KLHL29: variants seen among roughly 807,000 people sequenced by gnomAD.
KLHL29 encodes the protein kelch like family member 29.
A neutral mutation model predicts 80.4 loss-of-function variants in KLHL29; 21 were observed. The ratio of observed to expected loss-of-function variants is 0.26; its 90% CI spans 0.19 to 0.38. The LOEUF (loss-of-function observed/expected upper bound fraction) is 0.38, where lower values mean the gene tolerates loss of function less well. Among genes scored for constraint, KLHL29 ranks in the 10% least tolerant of loss-of-function variants. KLHL29 has a pLI of 1.00. For synonymous variants in KLHL29, 511 were observed against 526.8 expected (o/e 0.97, Z 0.41); for missense variants, 867 against 1,223.9 (o/e 0.71, Z 4.35).
intron 1 of KLHL29, among the ~76,000 whole-genome samples, chr2:23,418,945 A>C (rs555923640): frequency 1.6e-4 from 25 of 152,140 alleles, no homozygotes; most frequent in Non-Finnish European, 3.2e-4. Context: ...GCCAGATGGC[A>C]CTTTCCATGG....
chr2:23,567,266 G>A (rs967704950), intron 3 of KLHL29, among the ~76,000 whole-genome samples: 28 of 152,238 alleles, frequency 1.8e-4, no homozygotes, highest in Non-Finnish European at 8.8e-5. Flanking sequence ...AATGGACTCT[G>A]CAGAATCCTC....
intron 5 of KLHL29, among the ~76,000 whole-genome samples, chr2:23,670,477 G>T (rs1218839880): frequency 6.6e-6 from 1 of 152,064 alleles, no homozygotes; most frequent in East Asian, 1.9e-4. Flanking sequence ...CCCTTGGCAG[G>T]ATGAGGGGCT....
intron 2 of KLHL29, among the ~76,000 whole-genome samples, chr2:23,558,693 C>G (rs901087655): frequency 4.6e-5 from 7 of 152,230 alleles, no homozygotes; most frequent in Non-Finnish European, 1.0e-4. Context: ...CGTGAGCCCC[C>G]ACGCCCAGGC....
chr2:23,412,962 C>T (rs1558328841), intron 1 of KLHL29, among the ~76,000 whole-genome samples: 1 of 152,144 alleles, frequency 6.6e-6, no homozygotes, highest in Non-Finnish European at 1.5e-5. Flanking sequence ...AATTCCTATG[C>T]TCTTACTTAA....
At chr2:23,455,006 G>GA (rs1006561476) in intron 1 of KLHL29, among the ~76,000 whole-genome samples, 9 of 137,950 alleles carry the variant, frequency 6.5e-5, no homozygotes, top group East Asian at 2.2e-4. Context: ...TGGGTTGGGG[G>GA]GGGGGCATTT....
intron 6 of KLHL29, chr2:23,690,148 G>A (rs1157467764): frequency 6.6e-6 from 1 of 152,252 alleles, no homozygotes; most frequent in Non-Finnish European, 1.5e-5. Context: ...CTGAGGCCCT[G>A]GGAGGGCGGT....
intron 1 of KLHL29, among the ~76,000 whole-genome samples, chr2:23,447,759 A>G (rs1663743100): frequency 6.6e-6 from 1 of 152,226 alleles, no homozygotes; most frequent in South Asian, 2.1e-4. Context: ...AACCCAGCCT[A>G]AACTGACATG....
At chr2:23,546,656 C>T (rs997082365) in intron 2 of KLHL29, among the ~76,000 whole-genome samples, 8 of 152,244 alleles carry the variant, frequency 5.3e-5, no homozygotes, top group Admixed American at 3.3e-4. Context: ...CCCCCTCTCC[C>T]GGGGAGGAGC....
chr2:23,646,327 TTC>T (rs1669932737), intron 5 of KLHL29, among the ~76,000 whole-genome samples: 1 of 152,242 alleles, frequency 6.6e-6, no homozygotes, highest in Non-Finnish European at 1.5e-5. Flanking sequence ...ATGCAGCTAT[TTC>T]TACCCCTGCC....
intron 1 of KLHL29, among the ~76,000 whole-genome samples, chr2:23,473,163 G>A (rs1224992414): frequency 6.6e-6 from 1 of 152,148 alleles, no homozygotes; most frequent in Non-Finnish European, 1.5e-5. Flanking sequence ...TCATGAAGAC[G>A]CAGAGAGGGA....
intron 1 of KLHL29, among the ~76,000 whole-genome samples, chr2:23,423,291 G>A (rs72846879): frequency 0.035 from 5,260 of 152,304 alleles, 113 homozygotes; most frequent in Middle Eastern, 0.068. Context: ...CGTCTGCTGC[G>A]TGGTCAGCCT....
chr2:23,607,430 C>T (rs1012569306), intron 3 of KLHL29, among the ~76,000 whole-genome samples: 1 of 152,208 alleles, frequency 6.6e-6, no homozygotes, highest in Non-Finnish European at 1.5e-5. Flanking sequence ...GAAAAGGCTG[C>T]CCAGGAGAAC....
intron 2 of KLHL29, among the ~76,000 whole-genome samples, chr2:23,549,612 A>C (rs1310987886): frequency 6.6e-6 from 1 of 152,206 alleles, no homozygotes; most frequent in Admixed American, 6.5e-5. Context: ...TGAGGTCAGC[A>C]GGGGAGTGGG....
intron 5 of KLHL29, among the ~76,000 whole-genome samples, chr2:23,646,568 G>C (rs373681298): frequency 3.9e-5 from 6 of 152,170 alleles, no homozygotes; most frequent in African/African-American, 1.4e-4. Flanking sequence ...TTTTGCAGGG[G>C]CCTAGGGTGA....
chr2:23,670,985 CCT>C (rs1295033361), intron 5 of KLHL29, among the ~76,000 whole-genome samples: 184 of 8,742 alleles, frequency 0.021, 39 homozygotes, highest in East Asian at 0.19. Flanking sequence ...TCTCTCCCTC[CCT>C]CCCTCCCTCC....
chr2:23,487,875 A>G (rs951433045), intron 2 of KLHL29, among the ~76,000 whole-genome samples: 3 of 152,206 alleles, frequency 2.0e-5, no homozygotes, highest in Non-Finnish European at 4.4e-5. Context: ...CACATCTGGA[A>G]TGTTGCACAA....
intron 6 of KLHL29, among the ~76,000 whole-genome samples, chr2:23,688,092 G>C (rs973619108): frequency 1.3e-5 from 2 of 152,174 alleles, no homozygotes; most frequent in Admixed American, 1.3e-4. Flanking sequence ...GAGTGGACAG[G>C]TGTGGCTTGG....
chr2:23,591,990 GGACTGCCAAAC>G (rs1668274942), intron 3 of KLHL29, among the ~76,000 whole-genome samples: 1 of 152,248 alleles, frequency 6.6e-6, no homozygotes, highest in South Asian at 2.1e-4. Context: ...GCTCCCCTTA[GGACTGCCAAAC>G]AGGCATCTGC....
chr2:23,576,618 G>T (rs746173895), intron 3 of KLHL29, among the ~76,000 whole-genome samples: 2 of 152,290 alleles, frequency 1.3e-5, no homozygotes, highest in East Asian at 3.9e-4. Flanking sequence ...TTCCCTCACC[G>T]GGCTGATGGG....
Sources: allele counts gnomAD v4.1 joint callset (sites outside exome capture counted in the v4.1 genomes callset), GRCh38; gene constraint gnomAD v4.1.1; transcripts MANE v1.5; gene names NCBI Gene and HGNC (gene_info 2026-07-23, HGNC 2026-07-21).